The following KLHL2 variants were observed in gnomAD, a reference collection of about 807,000 sequenced individuals.
KLHL2 encodes the protein kelch like family member 2, also known as kelch-like protein 2.
In KLHL2, 15 loss-of-function variants were observed where a neutral mutation model predicts 75.8. The ratio of observed to expected loss-of-function variants is 0.20; its 90% CI spans 0.13 to 0.30. The LOEUF (loss-of-function observed/expected upper bound fraction) is 0.30, where lower values mean the gene tolerates loss of function less well. Among genes scored for constraint, KLHL2 ranks in the 10% least tolerant of loss-of-function variants. KLHL2 has a pLI of 1.00. For missense variants in KLHL2, 381 were observed against 741.0 expected, an observed-to-expected ratio of 0.51 and a Z score of 5.64; for synonymous variants, 214 against 251.9, an observed-to-expected ratio of 0.85 and a Z score of 1.42.
At chr4:165,302,087 C>A (rs747281976) in intron 8 of KLHL2, among the ~76,000 whole-genome samples, 21 of 151,906 alleles carry the variant, frequency 1.4e-4, no homozygotes, top group Non-Finnish European at 4.4e-5. Context: ...TATGTGGGTC[C>A]CTGGAGGTTC....
In KLHL2 at chr4:165,245,330, G is replaced by A. The variant is rs148840164; in HGVS notation, c.381+6431G>A. 5.4e-3 allele frequency among the ~76,000 whole-genome samples: 826 copies of A among 152,288 alleles called. 10 individuals carry two copies. The highest frequency in any genetic ancestry group is 0.019 in the African/African-American group (779 of 41,568). On this transcript the variant is annotated intron_variant, in intron 4 of 14. Coordinates refer to ENST00000226725, the MANE Select transcript of KLHL2 (RefSeq NM_007246.4). ...AGAACCTGGCCTCAGGACTTTCGTG[G>A]TGTTGGTAGTGGTGGTAGCATATAC...
intron 9 of KLHL2, 67 bp downstream of exon 9, chr4:165,305,792 A>AT: frequency 9.6e-7 from 1 of 1,041,596 alleles, no homozygotes; most frequent in Non-Finnish European, 1.5e-6. Context: ...TTCAGGTCTT[A>AT]TTTTATTAAT....
chr4:165,269,548 G>C (rs1425960957), intron 5 of KLHL2, among the ~76,000 whole-genome samples: 1 of 151,578 alleles, frequency 6.6e-6, no homozygotes, highest in African/African-American at 2.4e-5. Flanking sequence ...GTCTGTAAAG[G>C]ATTTTATTTC....
At chr4:165,298,663 G>T (rs1429110022) in intron 7 of KLHL2, among the ~76,000 whole-genome samples, 1 of 151,860 alleles carries the variant, frequency 6.6e-6, no homozygotes, top group Non-Finnish European at 1.5e-5. Context: ...AAAAGGGTGG[G>T]TGCGGTCAGT....
rs941171456 is a variant in KLHL2, at chr4:165,295,195, G to A, written c.654+727G>A. ...TCCTTGGGTGGGTTTTGTAGCACAC[G>A]GGAATCAGAGCACAAAAGCTGTGCT... is the stretch of plus-strand genomic sequence containing the variant. On this transcript the variant is annotated intron_variant, in intron 6 of 14. Transcript: ENST00000226725. Among the ~76,000 whole-genome samples the A allele has an allele frequency of 2.6e-5, 4 of 152,252 alleles. No homozygotes were observed. The South Asian group carries it at 6.2e-4, about 24-fold the overall frequency.
In KLHL2 at chr4:165,274,857, C is replaced by A. The variant is rs369181193; in HGVS notation, c.544+11498C>A. On this transcript the variant is annotated intron_variant, in intron 5 of 14. Transcript: ENST00000226725. ...TTAGGGAAAGTAAAAATGTGAGCAACCAAATGGGTAGGTTAGAGAGTGAGA... is the reference window on the plus strand; with the variant it reads ...TTAGGGAAAGTAAAAATGTGAGCAAACAAATGGGTAGGTTAGAGAGTGAGA... Among the ~76,000 whole-genome samples the A allele has an allele frequency of 2.4e-4, 36 of 152,242 alleles. 1 individual carries two copies. The South Asian group carries it at 7.2e-3, about 31-fold the overall frequency.
At chr4:165,320,635 G>A (rs1283616819) in intron 14 of KLHL2, among the ~76,000 whole-genome samples, 1 of 152,170 alleles carries the variant, frequency 6.6e-6, no homozygotes. Context: ...TCTCAACAGA[G>A]AAAACATGAA....
chr4:165,270,196 T>G (rs1331301237), intron 5 of KLHL2, among the ~76,000 whole-genome samples: 1 of 152,220 alleles, frequency 6.6e-6, no homozygotes. Context: ...TTCTCTACAC[T>G]GTTTATTCTA....
chr4:165,279,970 C>CA (rs1419967383), intron 5 of KLHL2, among the ~76,000 whole-genome samples: 3 of 152,310 alleles, frequency 2.0e-5, no homozygotes, highest in African/African-American at 7.2e-5. Context: ...ATCTTCCCCC[C>CA]ACAAACCCAT....
intron 4 of KLHL2, among the ~76,000 whole-genome samples, chr4:165,239,808 C>T (rs552574708): frequency 4.6e-5 from 7 of 152,330 alleles, no homozygotes; most frequent in African/African-American, 1.7e-4. Context: ...AGGGCAGCTT[C>T]TGTTATATAC....
chr4:165,220,114 T>C, intron 2 of KLHL2, 55 bp downstream of exon 2: 1 of 1,557,166 alleles, frequency 6.4e-7, no homozygotes, highest in Non-Finnish European at 8.7e-7. Context: ...TATTTTTCAG[T>C]TGTTTGTAGT....
intron 8 of KLHL2, among the ~76,000 whole-genome samples, chr4:165,303,120 C>G (rs1476658601): frequency 6.6e-6 from 1 of 152,084 alleles, no homozygotes; most frequent in Non-Finnish European, 1.5e-5. Context: ...ATCCCTGATT[C>G]CTGGAGACCC....
intron 9 of KLHL2, among the ~76,000 whole-genome samples, chr4:165,306,105 A>G (rs1745709316): frequency 6.6e-6 from 1 of 152,238 alleles, no homozygotes. Flanking sequence ...GCCTTCTTCA[A>G]GGCATCTGTT....
At chr4:165,292,442 G>A (rs564028727) in intron 5 of KLHL2, among the ~76,000 whole-genome samples, 49 of 152,008 alleles carry the variant, frequency 3.2e-4, no homozygotes, top group Middle Eastern at 3.4e-3. Flanking sequence ...AAGCAATCCT[G>A]CCTCCTCAGC....
intron 5 of KLHL2, among the ~76,000 whole-genome samples, chr4:165,285,023 C>T (rs1237452757): frequency 1.3e-5 from 2 of 152,166 alleles, no homozygotes; most frequent in African/African-American, 2.4e-5. Context: ...CCCACCAGGT[C>T]CCTCCCACAA....
chr4:165,314,658 T>C (rs1746467508), intron 13 of KLHL2, among the ~76,000 whole-genome samples: 1 of 152,084 alleles, frequency 6.6e-6, no homozygotes, highest in Non-Finnish European at 1.5e-5. Context: ...TTAATACAGT[T>C]CAGGATTTCC....
intron 4 of KLHL2, among the ~76,000 whole-genome samples, chr4:165,260,473 G>A (rs1184262163): frequency 6.6e-6 from 1 of 151,840 alleles, no homozygotes; most frequent in African/African-American, 2.4e-5. Flanking sequence ...TATGAATTTC[G>A]GTCTCCTAAT....
rs149742140 is a variant in KLHL2, at chr4:165,278,708, G to A, written c.544+15349G>A. On this transcript the variant is annotated intron_variant, in intron 5 of 14. Transcript: ENST00000226725. The stretch of plus-strand genomic sequence containing the variant: ...AGAACCTTCCAAAGCGTAATATACC[G>A]GTTTGTCTCTGCCAAGTTTGTAAGC... 6.7e-3 allele frequency: 10,683 copies of A among 1,603,352 alleles called. 38 individuals carry two copies. The highest frequency in any genetic ancestry group is 7.9e-3 in the Non-Finnish European group (9,263 of 1,170,264).
chr4:165,213,795 G>T (rs1374317861), intron 1 of KLHL2, among the ~76,000 whole-genome samples: 2 of 152,050 alleles, frequency 1.3e-5, no homozygotes, highest in Non-Finnish European at 2.9e-5. Flanking sequence ...TATTAACTTT[G>T]AATTGAATGT....
Sources: gnomAD v4.1 joint callset for allele counts (sites outside exome capture counted in the v4.1 genomes callset) on GRCh38, gnomAD v4.1.1 for gene constraint, MANE v1.5 for transcripts, NCBI Gene and HGNC (gene_info 2026-07-23, HGNC 2026-07-21) for gene names.